Variants in IL1RAPL2 observed in about 807,000 individuals in gnomAD.
IL1RAPL2 encodes interleukin 1 receptor accessory protein like 2.
IL1RAPL2 carries 3 observed loss-of-function variants against 44.1 expected under a neutral mutation model. That is an observed-to-expected ratio of 0.07 (90% CI 0.03 to 0.18). The LOEUF is 0.18. IL1RAPL2 is among the 10% of genes least tolerant of loss of function. IL1RAPL2 has a pLI of 1.00. For synonymous variants in IL1RAPL2, 181 were observed against 178.8 expected (o/e 1.01, Z -0.10); for missense variants, 391 against 496.4 (o/e 0.79, Z 2.02).
chrX:105,582,769 G>A (rs917617287), intron 6 of IL1RAPL2, among the ~76,000 whole-genome samples: 1 of 108,524 alleles, frequency 9.2e-6, no homozygotes, highest in Non-Finnish European at 1.9e-5. Context: ...AATATATTTT[G>A]GTCTGTTCTT....
At chrX:104,585,364 T>TATA (rs1928532041) in intron 1 of IL1RAPL2, among the ~76,000 whole-genome samples, 2 of 26,972 alleles carry the variant, frequency 7.4e-5, no homozygotes, top group East Asian at 1.8e-3. Flanking sequence ...ATATATATTA[T>TATA]ATATATTATA....
intron 1 of IL1RAPL2, among the ~76,000 whole-genome samples, chrX:104,568,756 C>T (rs928011466): frequency 9.0e-6 from 1 of 111,450 alleles, no homozygotes; most frequent in African/African-American, 3.3e-5. Flanking sequence ...GGTGAAATTC[C>T]CAAGTATTCC....
intron 3 of IL1RAPL2, among the ~76,000 whole-genome samples, chrX:105,218,597 C>T (rs782112789): frequency 9.0e-5 from 10 of 110,548 alleles, no homozygotes; most frequent in Admixed American, 9.6e-5. Flanking sequence ...AGAGAGCGAG[C>T]GAGACATACA....
chrX:104,920,022 A>C (rs981606188), intron 2 of IL1RAPL2, among the ~76,000 whole-genome samples: 2 of 111,679 alleles, frequency 1.8e-5, no homozygotes. Flanking sequence ...ACCCTTGTCT[A>C]CACAACTCAG....
intron 2 of IL1RAPL2, among the ~76,000 whole-genome samples, chrX:105,182,389 CTTCT>C (rs1440665903): frequency 9.0e-6 from 1 of 111,136 alleles, no homozygotes; most frequent in Non-Finnish European, 1.9e-5. Flanking sequence ...TTATAATGAC[CTTCT>C]TTATCTCTTT....
intron 2 of IL1RAPL2, among the ~76,000 whole-genome samples, chrX:104,818,740 G>A (rs1361888869): frequency 1.7e-4 from 19 of 111,020 alleles, no homozygotes; most frequent in Non-Finnish European, 2.3e-4. Flanking sequence ...GCCTGGATGA[G>A]TCATCAAGGA....
chrX:105,654,986 G>C (rs776340753), intron 6 of IL1RAPL2, among the ~76,000 whole-genome samples: 3 of 112,033 alleles, frequency 2.7e-5, no homozygotes, highest in Non-Finnish European at 3.8e-5. Flanking sequence ...AGAAGCCCCC[G>C]GGAAGTGTGA....
At chrX:104,835,707 A>G (rs925952753) in intron 2 of IL1RAPL2, among the ~76,000 whole-genome samples, 15 of 112,422 alleles carry the variant, frequency 1.3e-4, no homozygotes, top group Non-Finnish European at 2.6e-4. Context: ...CAAAGGTATT[A>G]TTAAAACTGT....
chrX:105,475,214 G>C lies in IL1RAPL2; in HGVS notation c.698-9099G>C, dbSNP rs750278324. Among the ~76,000 whole-genome samples, 7 of 111,455 alleles carry C rather than the reference G, an allele frequency of 6.3e-5. No individual in the cohort carries two copies. In the South Asian group the frequency reaches 2.6e-3, roughly 42 times the overall value. ...CAAGAAACTTGGGTTTGGGTCTTCT[G>C]TTTTATTATTAATTTGCAGTATGAT... On this transcript the variant is annotated intron_variant, in intron 5 of 10. Coordinates refer to ENST00000372582, the MANE Select transcript of IL1RAPL2 (RefSeq NM_017416.2).
rs979827399 is a variant in IL1RAPL2 at position 105,767,638 on chromosome X, A to G, written c.2038A>G (p.Ser680Gly). 2.5e-6 allele frequency: 3 copies of G among 1,201,571 alleles called. No homozygotes were observed. The highest frequency in any genetic ancestry group is 3.5e-5 in the African/African-American group (2 of 57,003). Residue 680 changes from serine to glycine, a missense_variant, in exon 11 of 11, where the codon AGC becomes GGC. This residue lies in a region of IL1RAPL2 where 232 missense variants were observed against 244.8 expected (regional missense o/e 0.95). Transcript: ENST00000372582. ...GCTGCCTTTATCCTCCAAAGAGCTT[A>G]GCTTTACCAGTGATATTTGGTAGTG... The part of the protein sequence containing the change: ...SLLPLSSKEL[S>G]FTSDIW
chrX:105,550,073 C>G (rs2036839307), intron 6 of IL1RAPL2, among the ~76,000 whole-genome samples: 1 of 112,051 alleles, frequency 8.9e-6, no homozygotes, highest in Non-Finnish European at 1.9e-5. Flanking sequence ...CACTGCTTTA[C>G]AAAGCAAAGG....
intron 8 of IL1RAPL2, among the ~76,000 whole-genome samples, chrX:105,741,670 C>T (rs1414142392): frequency 1.8e-5 from 2 of 111,348 alleles, no homozygotes; most frequent in African/African-American, 3.3e-5. Context: ...AGCACCACTT[C>T]GTACTCCATT....
At chrX:104,908,008 T>G (rs750723917) in intron 2 of IL1RAPL2, among the ~76,000 whole-genome samples, 112 of 110,749 alleles carry the variant, frequency 1.0e-3, no homozygotes, top group African/African-American at 3.4e-3. Context: ...GCATATATAT[T>G]TAGGATAGTT....
intron 2 of IL1RAPL2, among the ~76,000 whole-genome samples, chrX:104,686,614 C>T (rs1158649172): frequency 8.9e-6 from 1 of 111,757 alleles, no homozygotes; most frequent in Non-Finnish European, 1.9e-5. Flanking sequence ...CTGGTCAGCC[C>T]CTGAAGAAAG....
chrX:105,623,466 C>T (rs1471317286), intron 6 of IL1RAPL2, among the ~76,000 whole-genome samples: 4 of 110,770 alleles, frequency 3.6e-5, no homozygotes, highest in Non-Finnish European at 7.6e-5. Context: ...CTTAGAGGGG[C>T]AGTTTTTTTC....
intron 2 of IL1RAPL2, among the ~76,000 whole-genome samples, chrX:104,868,691 T>C (rs2147651155): frequency 8.9e-6 from 1 of 112,420 alleles, no homozygotes; most frequent in South Asian, 3.7e-4. Context: ...CCCTTCCAAT[T>C]AATCTTTGCA....
intron 5 of IL1RAPL2, among the ~76,000 whole-genome samples, chrX:105,300,903 T>G (rs762013523): frequency 1.4e-4 from 16 of 111,843 alleles, no homozygotes; most frequent in African/African-American, 4.9e-4. Context: ...AAAGTATGCT[T>G]GCAGTTACTC....
chrX:105,503,393 A>G (rs1425195282), intron 6 of IL1RAPL2, among the ~76,000 whole-genome samples: 1 of 111,733 alleles, frequency 8.9e-6, no homozygotes, highest in Non-Finnish European at 1.9e-5. Context: ...ACCACATTAC[A>G]CAATGTTTGA....
chrX:105,177,895 TTGTTATA>T (rs1174050141), intron 2 of IL1RAPL2, among the ~76,000 whole-genome samples: 1 of 111,693 alleles, frequency 9.0e-6, no homozygotes, highest in Non-Finnish European at 1.9e-5. Flanking sequence ...ATGTGATACT[TTGTTATA>T]TGCATAGGCT....
Sources: allele counts gnomAD v4.1 joint callset (sites outside exome capture counted in the v4.1 genomes callset), GRCh38; gene constraint gnomAD v4.1.1; regional missense constraint gnomAD v4.1.1; transcripts MANE v1.5; gene names NCBI Gene and HGNC (gene_info 2026-07-23, HGNC 2026-07-21).